Variants in AK5 observed in about 807,000 individuals in gnomAD.
The protein encoded by AK5 is adenylate kinase isoenzyme 5.
A neutral mutation model predicts 69.5 loss-of-function variants in AK5; 27 were observed. The observed-to-expected ratio is 0.39, with a 90% CI of 0.29 to 0.54. The LOEUF is 0.54. Ranked by LOEUF, AK5 falls within the 20% of genes least tolerant of loss-of-function variation. The probability of loss-of-function intolerance (pLI) is 0.71; values close to 1 mark genes in which losing one functional copy is unlikely to be tolerated. For missense variants in AK5, 531 were observed against 700.4 expected, an observed-to-expected ratio of 0.76 and a Z score of 2.73; for synonymous variants, 260 against 244.4, an observed-to-expected ratio of 1.06 and a Z score of -0.60.
chr1:77,518,653 G>A lies in AK5; in HGVS notation c.1237G>A (p.Glu413Lys). The A allele has an allele frequency of 6.2e-7, 1 of 1,614,170 alleles. No individual in the cohort carries two copies. The highest frequency in any genetic ancestry group is 8.5e-7 in the Non-Finnish European group (1 of 1,180,012). The change falls in exon 11 of 14, where the codon GAG becomes AAG. Residue 413 changes from glutamate (E) to lysine (K), a missense_variant. Coordinates refer to ENST00000354567, the MANE Select transcript of AK5 (RefSeq NM_174858.3). The stretch of plus-strand genomic sequence containing the variant: ...TCTCTCAACTGGCGAGCTCCTGCGT[G>A]AGGAACTGGCATCAGAATCTGAAAG... ...THLSTGELLR[E>K]ELASESERSK...
In AK5 at chr1:77,544,653, T is replaced by C. The variant is rs114902588; in HGVS notation, c.1620+8615T>C. Among the ~76,000 whole-genome samples, 736 of 152,236 alleles carry C rather than the reference T, an allele frequency of 4.8e-3. 3 individuals are homozygous for C. The highest frequency in any genetic ancestry group is 7.2e-3 in the Non-Finnish European group (489 of 68,028). ...TCATGCCACTGTCTTTACCTCCGTATCTTGCCCACTGGAAGGTCTTCAGGG... is the reference window on the plus strand; with the variant it reads ...TCATGCCACTGTCTTTACCTCCGTACCTTGCCCACTGGAAGGTCTTCAGGG... On this transcript the variant is annotated intron_variant, in intron 13 of 13. Transcript: ENST00000354567.
intron 8 of AK5, among the ~76,000 whole-genome samples, chr1:77,457,543 A>C (rs1407725075): frequency 6.6e-6 from 1 of 151,914 alleles, no homozygotes; most frequent in East Asian, 1.9e-4. Context: ...AATTTTCAAG[A>C]GCTCTTTCTT....
chr1:77,282,509 C>T (rs957806610), intron 1 of AK5, 136 bp downstream of exon 1: 2 of 1,384,296 alleles, frequency 1.4e-6, no homozygotes, highest in East Asian at 5.9e-5. Flanking sequence ...CGCACTCGCC[C>T]GCTCCCCCGA....
chr1:77,379,294 T>C (rs1185513397), intron 6 of AK5, among the ~76,000 whole-genome samples: 1 of 152,230 alleles, frequency 6.6e-6, no homozygotes, highest in Non-Finnish European at 1.5e-5. Flanking sequence ...ACTTGCCTAC[T>C]GTGGTTCACA....
At chr1:77,346,256 A>G (rs1661909469) in intron 6 of AK5, 1 of 152,168 alleles carries the variant, frequency 6.6e-6, no homozygotes, top group African/African-American at 2.4e-5. Flanking sequence ...TTCCCATCCC[A>G]TCAGACACTC....
chr1:77,381,689 A>T (rs971865124), intron 6 of AK5, among the ~76,000 whole-genome samples: 21 of 152,288 alleles, frequency 1.4e-4, no homozygotes, highest in African/African-American at 4.8e-4. Flanking sequence ...TTCAGCTTAT[A>T]AATATTTGGG....
intron 11 of AK5, among the ~76,000 whole-genome samples, chr1:77,521,129 A>G (rs1341101137): frequency 6.6e-6 from 1 of 152,038 alleles, no homozygotes; most frequent in Non-Finnish European, 1.5e-5. Context: ...AAAAGTTAAC[A>G]GTAAGATACC....
chr1:77,328,309 A>G (rs1165938219), intron 5 of AK5, among the ~76,000 whole-genome samples: 1 of 151,916 alleles, frequency 6.6e-6, no homozygotes, highest in African/African-American at 2.4e-5. Flanking sequence ...GACCAGCCTG[A>G]CCAACATAGT....
At chr1:77,426,311 A>C (rs145426597) in intron 8 of AK5, among the ~76,000 whole-genome samples, 102 of 152,326 alleles carry the variant, frequency 6.7e-4, no homozygotes, top group African/African-American at 2.4e-3. Flanking sequence ...ACGCTAATCA[A>C]AAGAAAGCAG....
chr1:77,353,827 G>A (rs1662347250), intron 6 of AK5, among the ~76,000 whole-genome samples: 1 of 152,184 alleles, frequency 6.6e-6, no homozygotes, highest in South Asian at 2.1e-4. Context: ...TGGGACACAG[G>A]CAGGTACACA....
intron 8 of AK5, among the ~76,000 whole-genome samples, chr1:77,456,816 C>T (rs74699468): frequency 7.8e-4 from 119 of 152,186 alleles, no homozygotes; most frequent in African/African-American, 2.7e-3. Context: ...CCAATTAACT[C>T]CTCTGTGTGG....
At chr1:77,283,307 A>G in intron 1 of AK5, 1 of 985,396 alleles carries the variant, frequency 1.0e-6, no homozygotes, top group Non-Finnish European at 1.2e-6. Flanking sequence ...GAGGAGGAGA[A>G]AAGAATAGAA....
chr1:77,403,624 T>G (rs554571550), intron 6 of AK5, among the ~76,000 whole-genome samples: 1 of 152,396 alleles, frequency 6.6e-6, no homozygotes, highest in African/African-American at 2.4e-5. Flanking sequence ...CGGCATTATT[T>G]CTGAGGGCTC....
intron 6 of AK5, among the ~76,000 whole-genome samples, chr1:77,397,213 C>T (rs142498451): frequency 1.3e-5 from 2 of 152,156 alleles, no homozygotes; most frequent in Non-Finnish European, 2.9e-5. Context: ...CTGGTATGCC[C>T]TTCCTTTCCT....
intron 2 of AK5, among the ~76,000 whole-genome samples, chr1:77,289,858 G>A (rs1324753351): frequency 4.3e-5 from 3 of 69,016 alleles, no homozygotes; most frequent in Non-Finnish European, 7.2e-5. Flanking sequence ...GAGAGACTCC[G>A]TCTCAAAAAA....
chr1:77,370,864 C>T (rs941855974), intron 6 of AK5, among the ~76,000 whole-genome samples: 1 of 152,198 alleles, frequency 6.6e-6, no homozygotes, highest in Non-Finnish European at 1.5e-5. Flanking sequence ...AGGCCAGGGC[C>T]TCCTGAATCA....
intron 6 of AK5, among the ~76,000 whole-genome samples, chr1:77,361,530 A>C (rs1646864372): frequency 6.6e-6 from 1 of 152,164 alleles, no homozygotes; most frequent in African/African-American, 2.4e-5. Context: ...ACTTATACAA[A>C]GTTTGGGCAA....
At chr1:77,423,331 T>A (rs1472584990) in intron 8 of AK5, among the ~76,000 whole-genome samples, 1 of 151,882 alleles carries the variant, frequency 6.6e-6, no homozygotes, top group South Asian at 2.1e-4. Flanking sequence ...CTTCCCTCTT[T>A]CAAATATGAC....
At chr1:77,398,131 A>AT (rs148328691) in intron 6 of AK5, among the ~76,000 whole-genome samples, 12,849 of 152,196 alleles carry the variant, frequency 0.084, 729 homozygotes, top group South Asian at 0.17. Flanking sequence ...CAGGAGATAA[A>AT]TTTTTTTAAA....
Sources: allele counts gnomAD v4.1 joint callset (sites outside exome capture counted in the v4.1 genomes callset), GRCh38; gene constraint gnomAD v4.1.1; transcripts MANE v1.5; gene names NCBI Gene and HGNC (gene_info 2026-07-23, HGNC 2026-07-21).